The following ZNF451 variants were observed in gnomAD, a reference collection of about 807,000 sequenced individuals.
ZNF451 encodes the protein E3 SUMO-protein ligase ZNF451.
In ZNF451, 80 loss-of-function variants were observed where a neutral mutation model predicts 107.1. The ratio of observed to expected loss-of-function variants is 0.75; its 90% CI spans 0.62 to 0.90. The LOEUF is 0.90. Among genes scored for constraint, ZNF451 ranks in the 40% least tolerant of loss-of-function variants. The pLI is 0.00. For synonymous variants in ZNF451, 362 were observed against 406.5 expected (o/e 0.89, Z 1.32); for missense variants, 1,107 against 1,236.2 (o/e 0.90, Z 1.57).
chr6:57,104,052 A>C (rs1446731117), intron 3 of ZNF451: 3 of 984,790 alleles, frequency 3.0e-6, no homozygotes, highest in Non-Finnish European at 3.6e-6. Context: ...TTGTTTTGCA[A>C]ATTTAGCCCA....
In ZNF451 at chr6:57,142,026, C is replaced by T. The variant is rs1831790807; in HGVS notation, c.935C>T (p.Pro312Leu). 6.2e-7 allele frequency: 1 copy of T among 1,614,108 alleles called. No individual in the cohort carries two copies. The highest frequency in any genetic ancestry group is 8.5e-7 in the Non-Finnish European group (1 of 1,179,972). Residue 312 changes from proline (P) to leucine (L), a missense_variant, in exon 9 of 15, where the codon CCC (proline) becomes CTC (leucine). This residue lies in a region of ZNF451 where 339 missense variants were observed against 372.8 expected (regional missense o/e 0.91). Coordinates refer to ENST00000370706, the MANE Select transcript of ZNF451 (RefSeq NM_001031623.3). ...TTGATCTCTCTGTGCAAAGATGTTC[C>T]CTTTCAAGTTAAGTGTGTGGCCTGC... is the stretch of plus-strand genomic sequence containing the variant. ...KLLISLCKDV[P>L]FQVKCVACHK...
Position 57,147,428 on chromosome 6 carries a change from A to C in ZNF451, c.1343A>C (p.Lys448Thr). The C allele has an allele frequency of 6.2e-7, 1 of 1,614,056 alleles. No homozygotes were observed. Among genetic ancestry groups the C allele is most frequent in the Non-Finnish European group, 8.5e-7 (1 of 1,179,966 alleles). The change falls in exon 10 of 15, where the codon AAG becomes ACG. Residue 448 changes from lysine (K) to threonine (T), a missense_variant. Physicochemically the swap from Lys to Thr is moderately conservative, Grantham distance 78 (BLOSUM62 -1). Coordinates refer to ENST00000370706, the MANE Select transcript of ZNF451 (RefSeq NM_001031623.3). Reference sequence around the variant, plus strand: ...GAGTGCATTGCCATTCCAAAAAAGAAGATGAATTTAAAAGATAAAAGCCAT... The same window carrying C: ...GAGTGCATTGCCATTCCAAAAAAGACGATGAATTTAAAAGATAAAAGCCAT... ...SLECIAIPKK[K>T]MNLKDKSHEG...
At chr6:57,103,686 T>G in intron 3 of ZNF451, 1 of 985,272 alleles carries the variant, frequency 1.0e-6, no homozygotes, top group Non-Finnish European at 1.2e-6. Context: ...AACTTCTGCG[T>G]TTTTTCATCT....
intron 3 of ZNF451, chr6:57,106,867 C>A: frequency 1.3e-5 from 13 of 970,412 alleles, no homozygotes; most frequent in Non-Finnish European, 1.6e-5. Flanking sequence ...TATCAGTAAA[C>A]TGGTGATTAT....
intron 4 of ZNF451, among the ~76,000 whole-genome samples, chr6:57,128,118 C>T (rs1831017989): frequency 6.6e-6 from 1 of 152,128 alleles, no homozygotes; most frequent in African/African-American, 2.4e-5. Flanking sequence ...TACACTGGCA[C>T]ATATTAAGTG....
At chr6:57,152,426 A>C (rs949369653) in intron 12 of ZNF451, 75 bp downstream of exon 12, 4 of 1,535,730 alleles carry the variant, frequency 2.6e-6, no homozygotes, top group Non-Finnish European at 3.6e-6. Flanking sequence ...TTGAATTGTA[A>C]TGAGACTTAT....
rs1462108791 is a variant in ZNF451, at chr6:57,169,762, C to T, written c.*1293C>T. 2 of 152,056 alleles carry T rather than the reference C, an allele frequency of 1.3e-5. No individual in the cohort carries two copies. Among genetic ancestry groups the T allele is most frequent in the Non-Finnish European group, 2.9e-5 (2 of 68,020 alleles). The allele number at this position is 152,056 out of a possible 1,614,324, so 9.4% of individuals were successfully genotyped here. On this transcript the variant is annotated 3_prime_UTR_variant, in exon 15 of 15. Coordinates refer to ENST00000370706, the MANE Select transcript of ZNF451 (RefSeq NM_001031623.3). Reference sequence around the variant, plus strand: ...CTGCTTGCATTTTTTAAAAACTAGACATTGTGGCTTGAGAATTTATCAATC... The same window carrying T: ...CTGCTTGCATTTTTTAAAAACTAGATATTGTGGCTTGAGAATTTATCAATC...
intron 7 of ZNF451, among the ~76,000 whole-genome samples, chr6:57,137,074 A>G (rs140272442): frequency 2.3e-3 from 353 of 152,344 alleles, no homozygotes; most frequent in African/African-American, 8.2e-3. Context: ...GAGATTGTTA[A>G]GAGAAAATGT....
intron 3 of ZNF451, chr6:57,102,550 G>C (rs1829657928): frequency 1.0e-6 from 1 of 987,528 alleles, no homozygotes; most frequent in African/African-American, 1.7e-5. Flanking sequence ...GTGCTTCCTT[G>C]TTCAGGCTTC....
At chr6:57,140,636 A>C (rs1173685266) in intron 7 of ZNF451, among the ~76,000 whole-genome samples, 1 of 151,990 alleles carries the variant, frequency 6.6e-6, no homozygotes, top group Non-Finnish European at 1.5e-5. Flanking sequence ...TTACAAGATC[A>C]TTATTTCTAG....
chr6:57,143,119 T>C (rs926539828), intron 9 of ZNF451, among the ~76,000 whole-genome samples: 3 of 152,124 alleles, frequency 2.0e-5, no homozygotes, highest in African/African-American at 7.2e-5. Context: ...TTCTAGAATA[T>C]ACAAATATTT....
At position 57,141,864 on chromosome 6, in the gene ZNF451, A is replaced by T; in HGVS notation, c.857-84A>T. 3.4e-6 allele frequency: 4 copies of T among 1,192,878 alleles called. 1 individual carries two copies. The highest frequency in any genetic ancestry group is 3.2e-5 in the South Asian group (2 of 61,872). 73.9% of individuals were successfully genotyped at this position (1,192,878 alleles called of 1,614,324 possible). ...TGTCTTCTTTTACTTACTCCAACTA[A>T]TGTTGAGAAGGGCTGAGGGGAGGAA... On this transcript the variant is annotated intron_variant, in intron 8 of 14. Transcript: ENST00000370706.
intron 11 of ZNF451, 156 bp downstream of exon 11, chr6:57,151,018 C>A (rs1832318937): frequency 2.4e-6 from 2 of 850,988 alleles, no homozygotes; most frequent in South Asian, 2.0e-5. Flanking sequence ...GAATCGTTTT[C>A]TTTACATGCC....
chr6:57,122,534 A>G (rs1464395385), intron 3 of ZNF451, among the ~76,000 whole-genome samples: 1 of 152,226 alleles, frequency 6.6e-6, no homozygotes. Context: ...CAACAAGGAA[A>G]AAAACCAATT....
intron 2 of ZNF451, among the ~76,000 whole-genome samples, chr6:57,091,753 G>A (rs1829058109): frequency 1.3e-5 from 2 of 152,210 alleles, no homozygotes; most frequent in South Asian, 2.1e-4. Flanking sequence ...GTTAGTTGCA[G>A]TTTGGTATTC....
intron 3 of ZNF451, chr6:57,105,341 AGTT>A (rs1490467579): frequency 2.0e-6 from 2 of 983,670 alleles, no homozygotes; most frequent in Non-Finnish European, 2.4e-6. Context: ...GGTTTCTTGT[AGTT>A]ACTGTGTATA....
At chr6:57,160,613 G>A (rs1763631875) in intron 13 of ZNF451, among the ~76,000 whole-genome samples, 2 of 152,116 alleles carry the variant, frequency 1.3e-5, no homozygotes, top group South Asian at 4.1e-4. Flanking sequence ...GGAATTACAG[G>A]TGTGAACAAC....
At chr6:57,092,189 C>A (rs1829081458) in intron 2 of ZNF451, among the ~76,000 whole-genome samples, 1 of 152,124 alleles carries the variant, frequency 6.6e-6, no homozygotes, top group Admixed American at 6.6e-5. Flanking sequence ...GAATGACATA[C>A]TTCTTTATGA....
intron 3 of ZNF451, among the ~76,000 whole-genome samples, chr6:57,114,350 T>TA (rs1411059325): frequency 6.6e-6 from 1 of 152,194 alleles, no homozygotes; most frequent in Non-Finnish European, 1.5e-5. Flanking sequence ...CACTTTAAAA[T>TA]ACAAAATCAG....
Sources: gnomAD v4.1 joint callset for allele counts (sites outside exome capture counted in the v4.1 genomes callset) on GRCh38, gnomAD v4.1.1 for gene constraint, gnomAD v4.1.1 regional missense constraint, MANE v1.5 for transcripts, NCBI Gene and HGNC (gene_info 2026-07-23, HGNC 2026-07-21) for gene names.